The following ENOX1 variants were observed in gnomAD, a reference collection of about 807,000 sequenced individuals.
The protein encoded by ENOX1 is candidate growth-related and time keeping constitutive hydroquinone (NADH) oxidase.
Under a neutral mutation model 82.5 loss-of-function variants are expected in ENOX1, and 42 were observed. That is an observed-to-expected ratio of 0.51 (90% confidence interval 0.40 to 0.66). The LOEUF is 0.66. Among genes scored for constraint, ENOX1 ranks in the 30% least tolerant of loss-of-function variants. The pLI is 0.00. For missense variants in ENOX1, 608 were observed against 811.6 expected, an observed-to-expected ratio of 0.75 and a Z score of 3.05; for synonymous variants, 271 against 282.2, an observed-to-expected ratio of 0.96 and a Z score of 0.40.
intron 3 of ENOX1, among the ~76,000 whole-genome samples, chr13:43,479,902 G>A (rs1203404968): frequency 2.6e-5 from 4 of 151,950 alleles, no homozygotes; most frequent in Non-Finnish European, 5.9e-5. Context: ...CCTGAGAACC[G>A]TGGTTACTAA....
intron 5 of ENOX1, among the ~76,000 whole-genome samples, chr13:43,383,826 C>T (rs2052232451): frequency 3.3e-5 from 5 of 152,182 alleles, no homozygotes; most frequent in Admixed American, 3.3e-4. Context: ...ATTTGTTGGG[C>T]AATGGCTTTC....
intron 1 of ENOX1, among the ~76,000 whole-genome samples, chr13:43,751,007 C>T (rs1594681195): frequency 6.6e-6 from 1 of 152,180 alleles, no homozygotes; most frequent in African/African-American, 2.4e-5. Flanking sequence ...AATCCTAACA[C>T]TTTGGGATGA....
chr13:43,386,737 A>G (rs2052436182), intron 5 of ENOX1, among the ~76,000 whole-genome samples: 2 of 152,202 alleles, frequency 1.3e-5, no homozygotes, highest in Admixed American at 1.3e-4. Flanking sequence ...TCTTTTTGAG[A>G]AATTAATTTT....
intron 3 of ENOX1, among the ~76,000 whole-genome samples, chr13:43,425,834 A>G (rs2055266592): frequency 6.6e-6 from 1 of 152,232 alleles, no homozygotes; most frequent in Non-Finnish European, 1.5e-5. Context: ...ACCATTTGTA[A>G]CTGGGCTATC....
intron 5 of ENOX1, among the ~76,000 whole-genome samples, chr13:43,398,840 G>C (rs1479087630): frequency 6.7e-6 from 1 of 149,178 alleles, no homozygotes; most frequent in Non-Finnish European, 1.5e-5. Flanking sequence ...CTGTCACCCA[G>C]GCTGGAGTAC....
intron 5 of ENOX1, among the ~76,000 whole-genome samples, chr13:43,395,176 G>A (rs574115991): frequency 8.5e-5 from 13 of 152,302 alleles, no homozygotes; most frequent in Non-Finnish European, 1.6e-4. Flanking sequence ...TGGGAATAGC[G>A]TGACACATTC....
At position 43,322,336 on chromosome 13, in the gene ENOX1, G is replaced by T. The variant is rs931021869; in HGVS notation, c.1261+48C>A. On this transcript the variant is annotated intron_variant, in intron 11 of 16. Coordinates refer to ENST00000690772, the MANE Select transcript of ENOX1 (RefSeq NM_001347969.2). ...TTACTTATTCCCCATCTGAGATTTG[G>T]AAGATCATTATGATACCTCATGGGT... 3.5e-6 allele frequency: 5 copies of T among 1,438,972 alleles called. No homozygotes were observed. In the Admixed American group the frequency reaches 5.3e-5, roughly 15 times the overall value. 89.1% of individuals were successfully genotyped at this position (1,438,972 alleles called of 1,614,324 possible).
intron 3 of ENOX1, among the ~76,000 whole-genome samples, chr13:43,428,888 C>G (rs1424922009): frequency 1.3e-5 from 2 of 152,198 alleles, no homozygotes; most frequent in African/African-American, 4.8e-5. Flanking sequence ...AGCTGACATT[C>G]TAGAGGTGCT....
intron 2 of ENOX1, among the ~76,000 whole-genome samples, chr13:43,591,883 T>C (rs17460623): frequency 0.1 from 15,260 of 152,024 alleles, 809 homozygotes; most frequent in Admixed American, 0.12. Flanking sequence ...CATGGAAACT[T>C]TGAAGGCAAA....
intron 2 of ENOX1, among the ~76,000 whole-genome samples, chr13:43,587,103 A>G (rs1215489445): frequency 1.3e-5 from 2 of 151,840 alleles, no homozygotes; most frequent in Non-Finnish European, 2.9e-5. Flanking sequence ...TAGTAAAAGA[A>G]CAATCAGCTC....
At chr13:43,661,706 T>C (rs1378070750) in intron 2 of ENOX1, among the ~76,000 whole-genome samples, 1 of 152,064 alleles carries the variant, frequency 6.6e-6, no homozygotes, top group African/African-American at 2.4e-5. Flanking sequence ...CAAGAATCAA[T>C]AAAAATGAGG....
chr13:43,287,411 C>T (rs1048371298), intron 12 of ENOX1, among the ~76,000 whole-genome samples: 20 of 152,336 alleles, frequency 1.3e-4, no homozygotes, highest in South Asian at 2.1e-4. Context: ...AATGTCCTCA[C>T]GTACATGATC....
At chr13:43,298,596 G>C in intron 11 of ENOX1, 66 bp from the exon 12 acceptor site, 1 of 1,430,048 alleles carries the variant, frequency 7.0e-7, no homozygotes, top group Non-Finnish European at 9.5e-7. Context: ...GGCCTTCTGT[G>C]GGAAAGGGAG....
At chr13:43,536,457 A>G (rs919771262) in intron 2 of ENOX1, among the ~76,000 whole-genome samples, 1 of 152,198 alleles carries the variant, frequency 6.6e-6, no homozygotes, top group Non-Finnish European at 1.5e-5. Flanking sequence ...ACTTGCATGT[A>G]ATACAAAAAT....
At chr13:43,675,495 T>C (rs543053127) in intron 1 of ENOX1, among the ~76,000 whole-genome samples, 40 of 152,328 alleles carry the variant, frequency 2.6e-4, no homozygotes, top group African/African-American at 8.9e-4. Flanking sequence ...TGTGTGTGTG[T>C]ACACATATAC....
intron 2 of ENOX1, among the ~76,000 whole-genome samples, chr13:43,655,447 GTCTTC>G: frequency 6.6e-6 from 1 of 152,054 alleles, no homozygotes; most frequent in East Asian, 1.9e-4. Context: ...TTTATCTTCT[GTCTTC>G]TCTATCAGTC....
At chr13:43,720,703 G>C (rs985432601) in intron 1 of ENOX1, among the ~76,000 whole-genome samples, 9 of 152,138 alleles carry the variant, frequency 5.9e-5, no homozygotes, top group African/African-American at 2.2e-4. Context: ...CGAGCAGAGG[G>C]GTATGCACAT....
intron 1 of ENOX1, among the ~76,000 whole-genome samples, chr13:43,712,640 G>A (rs1158744056): frequency 1.3e-5 from 2 of 151,326 alleles, no homozygotes; most frequent in Non-Finnish European, 3.0e-5. Context: ...CACATCCCTT[G>A]TAAGTTGGAT....
At chr13:43,229,357 GAGA>G (rs766270473) in intron 15 of ENOX1, among the ~76,000 whole-genome samples, 6 of 152,296 alleles carry the variant, frequency 3.9e-5, no homozygotes, top group Non-Finnish European at 7.4e-5. Flanking sequence ...AGTGTGAGAT[GAGA>G]AGGAGTCAGC....
Sources: gnomAD v4.1 joint callset for allele counts (sites outside exome capture counted in the v4.1 genomes callset) on GRCh38, gnomAD v4.1.1 for gene constraint, MANE v1.5 for transcripts, NCBI Gene and HGNC (gene_info 2026-07-23, HGNC 2026-07-21) for gene names.